Variants in MCC observed in about 807,000 individuals in gnomAD.
MCC encodes MCC regulator of Wnt signaling pathway.
In MCC, 90 loss-of-function variants were observed where a neutral mutation model predicts 116.2. That is an observed-to-expected ratio of 0.77 (90% CI 0.65 to 0.92). The LOEUF is 0.92. Among genes scored for constraint, MCC ranks in the 40% least tolerant of loss-of-function variants. The pLI, the probability that MCC is intolerant of heterozygous loss-of-function variation, is 0.00. For missense variants in MCC, 1,516 were observed against 1,312.2 expected, an observed-to-expected ratio of 1.16 and a Z score of -2.40; for synonymous variants, 578 against 510.5, an observed-to-expected ratio of 1.13 and a Z score of -1.78.
intron 1 of MCC, among the ~76,000 whole-genome samples, chr5:113,426,609 G>C (rs1434949626): frequency 6.6e-6 from 1 of 152,136 alleles, no homozygotes; most frequent in Non-Finnish European, 1.5e-5. Flanking sequence ...ATCATCTTGT[G>C]ACCCTGGGGC....
rs180929534 is a variant in MCC, at chr5:113,272,957, T to C, written c.627+67562A>G. ...TAATGTTGACTAAATAGCTGCTGTT[T>C]CTTGGGGCTGCCAGCAACCAGAGAT... On this transcript the variant is annotated intron_variant, in intron 3 of 18. Transcript: ENST00000408903. 1.2e-4 allele frequency among the ~76,000 whole-genome samples: 19 copies of C among 152,310 alleles called. No homozygotes were observed. The South Asian group carries it at 3.7e-3, about 30-fold the overall frequency.
chr5:113,066,343 C>T (rs1167713028), intron 13 of MCC, among the ~76,000 whole-genome samples: 1 of 152,072 alleles, frequency 6.6e-6, no homozygotes, highest in African/African-American at 2.4e-5. Flanking sequence ...TTAAAAAAAT[C>T]CTGACAGCAG....
intron 1 of MCC, among the ~76,000 whole-genome samples, chr5:113,461,076 T>C (rs1025993083): frequency 1.3e-5 from 2 of 151,972 alleles, no homozygotes; most frequent in African/African-American, 4.8e-5. Flanking sequence ...CTGGGCAAAA[T>C]AGTGAGATCC....
chr5:113,389,438 C>T (rs1769352812), intron 1 of MCC, among the ~76,000 whole-genome samples: 1 of 152,184 alleles, frequency 6.6e-6, no homozygotes, highest in African/African-American at 2.4e-5. Context: ...CACCTTCTAG[C>T]TTCCAATTTC....
At chr5:113,394,734 A>G (rs867529089) in intron 1 of MCC, among the ~76,000 whole-genome samples, 1 of 152,198 alleles carries the variant, frequency 6.6e-6, no homozygotes, top group Non-Finnish European at 1.5e-5. Flanking sequence ...ATAGCTCTTC[A>G]GTATCTTATC....
intron 3 of MCC, among the ~76,000 whole-genome samples, chr5:113,161,376 A>AGG (rs1760474001): frequency 6.6e-6 from 1 of 152,212 alleles, no homozygotes; most frequent in South Asian, 2.1e-4. Flanking sequence ...CATGAATAAA[A>AGG]GGGTTCTCTG....
At position 113,066,335 on chromosome 5, in the gene MCC, A is replaced by T. The variant is rs529334927; in HGVS notation, c.2029+1745T>A. On this transcript the variant is annotated intron_variant, in intron 13 of 18. Transcript: ENST00000408903. ...TTTTTCTTAATACGTATATTAATTT[A>T]AAAAAATCCTGACAGCAGGCCAAGA... Among the ~76,000 whole-genome samples the T allele has an allele frequency of 2.2e-4, 33 of 152,304 alleles. No individual in the cohort carries two copies. The East Asian group carries it at 4.2e-3, about 20-fold the overall frequency.
chr5:113,048,672 G>C lies in MCC; in HGVS notation c.2655+421C>G, dbSNP rs376203523. The C allele has an allele frequency of 1.4e-4, 41 of 284,400 alleles. 1 individual carries two copies. Among genetic ancestry groups the C allele is most frequent in the African/African-American group, 7.8e-4 (36 of 46,090 alleles). 17.6% of individuals were successfully genotyped at this position (284,400 alleles called of 1,614,324 possible). A position where few individuals can be genotyped will look rare whatever the true frequency, so the allele number is the denominator to read the frequency against. On this transcript the variant is annotated intron_variant, in intron 16 of 18. Transcript: ENST00000408903. ...ATAGGGGAAAACGTAGAATATATAA[G>C]GGTTCAGTATTACCTGTGGTTTCAG...
chr5:113,281,201 T>A lies in MCC; in HGVS notation c.627+59318A>T, dbSNP rs555789532. On this transcript the variant is annotated intron_variant, in intron 3 of 18. Transcript: ENST00000408903. ...CCAAATCCTCTCAAACCTCCAGCCA[T>A]CATTGCTGCTTCAAAGCAATGCTCT... Among the ~76,000 whole-genome samples the A allele has an allele frequency of 1.2e-4, 19 of 152,318 alleles. No individual in the cohort carries two copies. In the East Asian group the frequency reaches 3.3e-3, roughly 26 times the overall value.
intron 8 of MCC, among the ~76,000 whole-genome samples, chr5:113,091,355 CCCAGGTCCACAAAGCTG>C: frequency 6.6e-6 from 1 of 152,088 alleles, no homozygotes; most frequent in East Asian, 1.9e-4. Context: ...TGACTGGGAG[CCCAGGTCCACAAAGCTG>C]CCAGACACAG....
At chr5:113,447,562 T>C (rs2150418534) in intron 1 of MCC, among the ~76,000 whole-genome samples, 1 of 152,338 alleles carries the variant, frequency 6.6e-6, no homozygotes, top group East Asian at 1.9e-4. Context: ...ACCACCTCCT[T>C]TGACAGATGA....
At chr5:113,110,124 G>A (rs1220629486) in intron 6 of MCC, among the ~76,000 whole-genome samples, 1 of 152,118 alleles carries the variant, frequency 6.6e-6, no homozygotes, top group South Asian at 2.1e-4. Context: ...TGTGCTTTAT[G>A]CATCAAAGGA....
At chr5:113,063,900 A>C (rs541096225) in intron 14 of MCC, 84 bp downstream of exon 14, 2 of 1,435,716 alleles carry the variant, frequency 1.4e-6, no homozygotes, top group East Asian at 4.8e-5. Context: ...ACAGTCCCCA[A>C]GAGCTGGGTC....
At chr5:113,477,467 A>G (rs56132396) in intron 1 of MCC, among the ~76,000 whole-genome samples, 29 of 152,206 alleles carry the variant, frequency 1.9e-4, no homozygotes, top group Non-Finnish European at 3.1e-4. Context: ...CAGACATCAT[A>G]TAACAGCATA....
intron 3 of MCC, among the ~76,000 whole-genome samples, chr5:113,259,213 C>T (rs1010388165): frequency 5.3e-5 from 8 of 152,240 alleles, no homozygotes. Flanking sequence ...ACCAAAGTGA[C>T]TCCATTAGAG....
chr5:113,261,901 C>T (rs970381093), intron 3 of MCC, among the ~76,000 whole-genome samples: 1 of 152,036 alleles, frequency 6.6e-6, no homozygotes, highest in African/African-American at 2.4e-5. Context: ...AGTATTAACT[C>T]CTAAAAGCTA....
chr5:113,474,102 C>T (rs1281344396), intron 1 of MCC, among the ~76,000 whole-genome samples: 2 of 152,098 alleles, frequency 1.3e-5, no homozygotes, highest in Admixed American at 6.5e-5. Flanking sequence ...CTAAATTGGA[C>T]AAAAAGTTGA....
intron 3 of MCC, among the ~76,000 whole-genome samples, chr5:113,315,918 C>T (rs1226919219): frequency 6.6e-6 from 1 of 151,586 alleles, no homozygotes; most frequent in Non-Finnish European, 1.5e-5. Flanking sequence ...TAGGCCATTT[C>T]TTCTTTCGAA....
intron 3 of MCC, among the ~76,000 whole-genome samples, chr5:113,247,748 G>A (rs1356724276): frequency 6.6e-6 from 1 of 152,120 alleles, no homozygotes; most frequent in East Asian, 1.9e-4. Flanking sequence ...GCCATCTACT[G>A]GATGTGGAGC....
Sources: gnomAD v4.1 joint callset for allele counts (sites outside exome capture counted in the v4.1 genomes callset) on GRCh38, gnomAD v4.1.1 for gene constraint, MANE v1.5 for transcripts, NCBI Gene and HGNC (gene_info 2026-07-23, HGNC 2026-07-21) for gene names.